The following PAX5 variants were observed in gnomAD, a reference collection of about 807,000 sequenced individuals.
The protein encoded by PAX5 is paired box 5.
In PAX5, 9 loss-of-function variants were observed where a neutral mutation model predicts 43.7. The observed-to-expected ratio is 0.21, with a 90% CI of 0.12 to 0.36. The LOEUF (loss-of-function observed/expected upper bound fraction) is 0.36, where lower values mean the gene tolerates loss of function less well. Among genes scored for constraint, PAX5 ranks in the 10% least tolerant of loss-of-function variants. The pLI, the probability that PAX5 is intolerant of heterozygous loss-of-function variation, is 1.00. For synonymous variants in PAX5, 228 were observed against 214.3 expected (o/e 1.06, Z -0.56); for missense variants, 383 against 532.7 (o/e 0.72, Z 2.77).
chr9:36,970,305 C>T (rs376733458), intron 5 of PAX5, among the ~76,000 whole-genome samples: 1 of 151,952 alleles, frequency 6.6e-6, no homozygotes, highest in African/African-American at 2.4e-5. Context: ...AGAGAGGGTG[C>T]CAGACTGAGG....
At chr9:37,003,154 TAAAAAAAAAAAAA>T (rs67081521) in intron 4 of PAX5, among the ~76,000 whole-genome samples, 1 of 75,846 alleles carries the variant, frequency 1.3e-5, no homozygotes, top group Non-Finnish European at 2.4e-5. Context: ...AGTCAGTGCT[TAAAAAAAAAAAAA>T]AAAAAAAAAA....
At chr9:36,910,950 T>A (rs964765272) in intron 7 of PAX5, among the ~76,000 whole-genome samples, 1 of 152,186 alleles carries the variant, frequency 6.6e-6, no homozygotes, top group Non-Finnish European at 1.5e-5. Context: ...ATTCATTCGT[T>A]CATTCATTTG....
Position 37,015,024 on chromosome 9 carries a change from G to C in PAX5, c.383C>G (p.Thr128Ser), listed in dbSNP as rs1158735048. ...LLAERVCDND[T>S]VPSVSSINRI... is the part of the protein sequence containing the mutation. ...GTTGATGGAACTGACGCTAGGCACGGTGTCATTGTCACACACCCGCTCTGC... is the reference window on the plus strand; with the variant it reads ...GTTGATGGAACTGACGCTAGGCACGCTGTCATTGTCACACACCCGCTCTGC... Residue 128 changes from threonine (T) to serine (S), a missense_variant, in exon 3 of 10, where the codon ACC (threonine) becomes AGC (serine). Transcript: ENST00000358127. The surrounding 1 kb of genome is among the most constrained non-coding windows in gnomAD (Gnocchi z 4.4). 4.3e-6 allele frequency: 7 copies of C among 1,614,122 alleles called. No individual in the cohort carries two copies. Among genetic ancestry groups the C allele is most frequent in the Non-Finnish European group, 5.9e-6 (7 of 1,180,010 alleles).
chr9:37,002,107 G>C (rs1349402892), intron 5 of PAX5, among the ~76,000 whole-genome samples: 1 of 151,816 alleles, frequency 6.6e-6, no homozygotes, highest in African/African-American at 2.4e-5. Flanking sequence ...ACAAAGATGA[G>C]ATGATTATTA....
chr9:36,889,351 G>C (rs1827175303), intron 7 of PAX5, among the ~76,000 whole-genome samples: 1 of 152,204 alleles, frequency 6.6e-6, no homozygotes, highest in Non-Finnish European at 1.5e-5. Context: ...AACAATAACA[G>C]CTAATATTTT....
At position 36,882,350 on chromosome 9, in the gene PAX5, G is replaced by C. The variant is rs142237760; in HGVS notation, c.911-245C>G. ...CTCCACTCAGCAAGAACAGAGTCAG[G>C]GATGTGGCCTGTTCCTGGGAAATCA... On this transcript the variant is annotated intron_variant, in intron 7 of 9. Transcript: ENST00000358127. The surrounding 1 kb of genome is among the most constrained non-coding windows in gnomAD (Gnocchi z 4.4). Among the ~76,000 whole-genome samples, 17 of 152,124 alleles carry C rather than the reference G, an allele frequency of 1.1e-4. No homozygotes were observed. Among genetic ancestry groups the C allele is most frequent in the African/African-American group, 4.1e-4 (17 of 41,484 alleles).
At chr9:36,885,410 A>G (rs1232880011) in intron 7 of PAX5, among the ~76,000 whole-genome samples, 2 of 152,072 alleles carry the variant, frequency 1.3e-5, no homozygotes, top group Non-Finnish European at 2.9e-5. Context: ...CTGAGCCTCG[A>G]TTTCCTTATC....
intron 5 of PAX5, among the ~76,000 whole-genome samples, chr9:36,994,504 C>T (rs1219418478): frequency 6.6e-6 from 1 of 152,200 alleles, no homozygotes; most frequent in Non-Finnish European, 1.5e-5. Context: ...CACATACACG[C>T]ACGCACACTC....
At chr9:36,940,338 C>T (rs1247894073) in intron 6 of PAX5, among the ~76,000 whole-genome samples, 4 of 152,118 alleles carry the variant, frequency 2.6e-5, no homozygotes, top group South Asian at 2.1e-4. Context: ...TTCTATCGCA[C>T]GCACCTAACC....
rs1354247539 is a variant in PAX5 at position 36,834,924 on chromosome 9, G to A, written c.*5636C>T. 4.3e-6 allele frequency: 1 copy of A among 232,236 alleles called. No individual in the cohort carries two copies. Among genetic ancestry groups the A allele is most frequent in the Non-Finnish European group, 8.5e-6 (1 of 117,540 alleles). 14.4% of individuals were successfully genotyped at this position (232,236 alleles called of 1,614,324 possible). On this transcript the variant is annotated 3_prime_UTR_variant, in exon 10 of 10. Transcript: ENST00000358127. ...CCTCAGAGTCGGGGAGGAGATGCAC[G>A]ACTGCCAAGTCACCCCCACCCTGCT...
In PAX5 at chr9:36,869,573, C is replaced by T. The variant is rs535051257; in HGVS notation, c.1012+12431G>A. Among the ~76,000 whole-genome samples the T allele has an allele frequency of 1.1e-4, 17 of 152,354 alleles. No homozygotes were observed. In the East Asian group the frequency reaches 3.3e-3, roughly 29 times the overall value. ...CCCTACTGTACAGAGATTCCAAGCCCCTCTGTGTCTGACATCCCCAGTCTA... is the reference window on the plus strand; with the variant it reads ...CCCTACTGTACAGAGATTCCAAGCCTCTCTGTGTCTGACATCCCCAGTCTA... On this transcript the variant is annotated intron_variant, in intron 8 of 9. Coordinates refer to ENST00000358127, the MANE Select transcript of PAX5 (RefSeq NM_016734.3).
In PAX5 at chr9:36,834,854, C is replaced by A. The variant is rs546677844; in HGVS notation, c.*5706G>T. ...AGCCACAGGGTCACAGGGTGGGGGGCGGGGGTCAGGGCAGGTGAGGCTGGT... is the reference window on the plus strand; with the variant it reads ...AGCCACAGGGTCACAGGGTGGGGGGAGGGGGTCAGGGCAGGTGAGGCTGGT... On this transcript the variant is annotated 3_prime_UTR_variant, in exon 10 of 10. Transcript: ENST00000358127. The A allele has an allele frequency of 4.3e-3, 889 of 205,838 alleles. 9 individuals are homozygous for A. The highest frequency in any genetic ancestry group is 0.023 in the African/African-American group (832 of 36,284). 12.8% of individuals were successfully genotyped at this position (205,838 alleles called of 1,614,324 possible).
In PAX5 at chr9:36,966,516, G is replaced by A. The variant is rs73648177; in HGVS notation, c.780+33C>T. On this transcript the variant is annotated intron_variant, in intron 6 of 9. Transcript: ENST00000358127. ...ACCTGGCTGGGCCGGTGTGGCGGTG[G>A]CAGGTGTGGTGGGCGTGCATCACGA... The A allele has an allele frequency of 2.9e-3, 4,702 of 1,597,114 alleles. 92 individuals carry two copies. In the African/African-American group the frequency reaches 0.049, roughly 17 times the overall value.
intron 1 of PAX5, among the ~76,000 whole-genome samples, chr9:37,028,918 A>G (rs1339710392): frequency 6.6e-6 from 1 of 152,182 alleles, no homozygotes; most frequent in Non-Finnish European, 1.5e-5. Context: ...GTGGGTTTTA[A>G]GGCTCTGAGA....
At chr9:36,958,979 T>A (rs1833729453) in intron 6 of PAX5, among the ~76,000 whole-genome samples, 1 of 152,210 alleles carries the variant, frequency 6.6e-6, no homozygotes. Context: ...CCCTGCTCCC[T>A]GCACTAGAGG....
At chr9:37,027,976 G>A (rs946776896) in intron 1 of PAX5, among the ~76,000 whole-genome samples, 3 of 152,242 alleles carry the variant, frequency 2.0e-5, no homozygotes, top group Non-Finnish European at 2.9e-5. Context: ...GGGGAAAGGG[G>A]CCCACGCAGT....
At chr9:36,840,707 T>A in intron 9 of PAX5, 71 bp from the exon 10 acceptor site, 1 of 935,972 alleles carries the variant, frequency 1.1e-6, no homozygotes, top group Non-Finnish European at 1.6e-6. Context: ...TCCACTTCTG[T>A]CCTTTCCTCC....
chr9:36,990,537 T>C (rs189796828), intron 5 of PAX5, among the ~76,000 whole-genome samples: 2 of 152,334 alleles, frequency 1.3e-5, no homozygotes, highest in Admixed American at 1.3e-4. Context: ...AGCTGCTATG[T>C]GGAGGGCAGA....
At chr9:36,869,448 T>C (rs1825209726) in intron 8 of PAX5, among the ~76,000 whole-genome samples, 1 of 152,272 alleles carries the variant, frequency 6.6e-6, no homozygotes, top group African/African-American at 2.4e-5. Context: ...GCACCAGGGA[T>C]GTCTTGGAAA....
Sources: allele counts gnomAD v4.1 joint callset (sites outside exome capture counted in the v4.1 genomes callset), GRCh38; gene constraint gnomAD v4.1.1; non-coding constraint Gnocchi (gnomAD v3.1); transcripts MANE v1.5; gene names NCBI Gene and HGNC (gene_info 2026-07-23, HGNC 2026-07-21).